GYG2: variants seen among roughly 807,000 people sequenced by gnomAD.
The protein encoded by GYG2 is glycogenin 2.
GYG2 carries 29 observed loss-of-function variants against 29.4 expected under a neutral mutation model. The observed-to-expected ratio is 0.99, with a 90% CI of 0.74 to 1.35. GYG2 has a LOEUF of 1.35. Among genes scored for constraint, GYG2 ranks in the 40% most tolerant of loss-of-function variants. The pLI, the probability that GYG2 is intolerant of heterozygous loss-of-function variation, is 0.00. For synonymous variants in GYG2, 167 were observed against 172.3 expected (o/e 0.97, Z 0.24); for missense variants, 370 against 385.7 (o/e 0.96, Z 0.34).
intron 6 of GYG2, among the ~76,000 whole-genome samples, chrX:2,858,539 C>G (rs2088079297): frequency 9.0e-6 from 1 of 111,125 alleles, no homozygotes; most frequent in South Asian, 3.8e-4. Flanking sequence ...GTGAGGGGAC[C>G]AGAGGCTGTG....
At chrX:2,857,167 G>A (rs960745795) in intron 6 of GYG2, among the ~76,000 whole-genome samples, 19 of 85,847 alleles carry the variant, frequency 2.2e-4, no homozygotes, top group African/African-American at 7.8e-4. Context: ...TCTAGACCTA[G>A]ATGTCTATCT....
chrX:2,849,882 A>C (rs1016412689), intron 3 of GYG2, among the ~76,000 whole-genome samples: 2 of 111,585 alleles, frequency 1.8e-5, no homozygotes, highest in African/African-American at 6.5e-5. Flanking sequence ...TGGGAGGCTG[A>C]AGTGGGAGGA....
intron 10 of GYG2, among the ~76,000 whole-genome samples, chrX:2,879,519 C>G (rs770161663): frequency 8.9e-6 from 1 of 111,992 alleles, no homozygotes; most frequent in East Asian, 2.8e-4. Flanking sequence ...CCACCTGCCT[C>G]GGCCTCCCAA....
chrX:2,881,235 T>A lies in GYG2; in HGVS notation c.*22T>A. ...GTAATCCGGCAGCTGGTGGGCGTTG[T>A]GTGTAGTTAGACAATGTCCTGTTGG... On this transcript the variant is annotated 3_prime_UTR_variant, in exon 11 of 11. Coordinates refer to ENST00000398806, the MANE Select transcript of GYG2 (RefSeq NM_001079855.2). The A allele has an allele frequency of 6.1e-6, 7 of 1,147,516 alleles. No homozygotes were observed. Among genetic ancestry groups the A allele is most frequent in the Non-Finnish European group, 8.2e-6 (7 of 858,711 alleles). The allele number at this position is 1,147,516 out of a possible 1,213,427, so 94.6% of individuals were successfully genotyped here. A position where few individuals can be genotyped will look rare whatever the true frequency, so the allele number is the denominator to read the frequency against.
intron 2 of GYG2, chrX:2,842,978 A>C: frequency 4.8e-6 from 2 of 418,046 alleles, no homozygotes; most frequent in Non-Finnish European, 8.7e-6. Flanking sequence ...ACGCCCAGCT[A>C]ATTTTTGTAT....
chrX:2,878,267 CT>C, intron 10 of GYG2: 1 of 606,560 alleles, frequency 1.6e-6, no homozygotes, highest in African/African-American at 2.5e-5. Flanking sequence ...GAGTTCATTA[CT>C]TTTTCTTTTT....
intron 8 of GYG2, among the ~76,000 whole-genome samples, chrX:2,869,409 A>G: frequency 9.0e-6 from 1 of 111,097 alleles, no homozygotes; most frequent in Non-Finnish European, 1.9e-5. Flanking sequence ...CCATTTCATT[A>G]ATTCGTACTC....
intron 8 of GYG2, among the ~76,000 whole-genome samples, chrX:2,865,374 C>T (rs925478643): frequency 6.3e-5 from 7 of 111,662 alleles, no homozygotes; most frequent in African/African-American, 1.6e-4. Context: ...AAACAGCGCC[C>T]GTCATGTTCA....
chrX:2,873,750 C>A (rs2088529205), intron 8 of GYG2, among the ~76,000 whole-genome samples: 1 of 111,326 alleles, frequency 9.0e-6, no homozygotes, highest in African/African-American at 3.3e-5. Flanking sequence ...CCGCCCCCAG[C>A]CCCTGGCAAC....
intron 3 of GYG2, among the ~76,000 whole-genome samples, chrX:2,845,925 T>G (rs1359899918): frequency 1.1e-5 from 1 of 94,309 alleles, no homozygotes; most frequent in Non-Finnish European, 2.0e-5. Flanking sequence ...CAAATATATA[T>G]ATTTCATATA....
At position 2,855,007 on chromosome X, in the gene GYG2, C is replaced by T. The variant is rs753281151; in HGVS notation, c.339C>T (p.Val113=). 7.4e-6 allele frequency: 9 copies of T among 1,211,079 alleles called. No homozygotes were observed. Among genetic ancestry groups the T allele is most frequent in the East Asian group, 3.0e-5 (1 of 33,803 alleles). ...LDADTLVLSN[V]DELFDRGEFS... ...TGCTTCACCAGGTGCTGTCCAATGT[C>T]GATGAGCTGTTTGACAGGGGAGAGT... Residue 113 remains valine, a synonymous_variant, in exon 5 of 11, where the codon GTC becomes GTT. Coordinates refer to ENST00000398806, the MANE Select transcript of GYG2 (RefSeq NM_001079855.2).
chrX:2,859,250 ATATTAT>A (rs1198265292), intron 6 of GYG2, among the ~76,000 whole-genome samples: 6 of 98,383 alleles, frequency 6.1e-5, no homozygotes, highest in African/African-American at 2.1e-4. Flanking sequence ...TAGTACTAGT[ATATTAT>A]TATTGATTAT....
intron 6 of GYG2, among the ~76,000 whole-genome samples, chrX:2,857,056 T>C (rs1173648357): frequency 4.6e-5 from 5 of 109,678 alleles, no homozygotes; most frequent in African/African-American, 1.6e-4. Context: ...TATACATAGA[T>C]CTATATATCT....
chrX:2,880,447 CGCATGTGT>C (rs2088697084), intron 10 of GYG2, among the ~76,000 whole-genome samples: 1 of 110,317 alleles, frequency 9.1e-6, no homozygotes, highest in South Asian at 3.8e-4. Flanking sequence ...TGTGCACATG[CGCATGTGT>C]GCATGTGTGT....
intron 3 of GYG2, among the ~76,000 whole-genome samples, chrX:2,844,527 TGC>T (rs1177168153): frequency 1.2e-5 from 1 of 80,278 alleles, no homozygotes; most frequent in African/African-American, 5.1e-5. Context: ...CGCACACGCA[TGC>T]GTATATATGT....
chrX:2,855,023 A>G lies in GYG2; in HGVS notation c.355A>G (p.Arg119Gly), dbSNP rs1051778653. The G allele has an allele frequency of 8.3e-6, 10 of 1,211,514 alleles. No homozygotes were observed. Among genetic ancestry groups the G allele is most frequent in the Non-Finnish European group, 1.1e-5 (10 of 895,187 alleles). Residue 119 changes from arginine to glycine, a missense_variant, in exon 5 of 11, where the codon AGG becomes GGG. Coordinates refer to ENST00000398806, the MANE Select transcript of GYG2 (RefSeq NM_001079855.2). Reference protein sequence around the residue: ...VLSNVDELFDRGEFSAAPDPG... With the variant: ...VLSNVDELFDGGEFSAAPDPG... ...GTCCAATGTCGATGAGCTGTTTGAC[A>G]GGGGAGAGTTTTCTGCGGCCCCGGA... is the stretch of plus-strand genomic sequence containing the variant.
intron 8 of GYG2, among the ~76,000 whole-genome samples, chrX:2,869,094 C>T (rs761165926): frequency 2.7e-5 from 3 of 110,641 alleles, no homozygotes; most frequent in Non-Finnish European, 3.8e-5. Context: ...GGTTCCATAT[C>T]TGTGGATTCA....
intron 2 of GYG2, among the ~76,000 whole-genome samples, chrX:2,835,115 G>A (rs985793212): frequency 9.0e-6 from 1 of 111,428 alleles, no homozygotes; most frequent in African/African-American, 3.3e-5. Context: ...GTGGTGCCAG[G>A]TCATAGGTAG....
intron 1 of GYG2, among the ~76,000 whole-genome samples, chrX:2,829,707 G>A (rs1161733297): frequency 3.7e-5 from 4 of 108,757 alleles, no homozygotes; most frequent in Non-Finnish European, 7.7e-5. Context: ...TGGGGTGGAG[G>A]AAGAGGATGC....
Sources: allele counts gnomAD v4.1 joint callset (sites outside exome capture counted in the v4.1 genomes callset), GRCh38; gene constraint gnomAD v4.1.1; transcripts MANE v1.5; gene names NCBI Gene and HGNC (gene_info 2026-07-23, HGNC 2026-07-21).